Variants in PCDHA1 observed in about 807,000 individuals in gnomAD.
The protein encoded by PCDHA1 is protocadherin alpha-1.
PCDHA1 carries 42 observed loss-of-function variants against 61.3 expected under a neutral mutation model. That is an observed-to-expected ratio of 0.69 (90% CI 0.54 to 0.89). The LOEUF is 0.89. Ranked by LOEUF, PCDHA1 falls within the 40% of genes least tolerant of loss-of-function variation. The pLI is 0.00. For missense variants in PCDHA1, 1,256 were observed against 1,235.3 expected (o/e 1.02, Z -0.25); for synonymous variants, 610 against 553.8 (o/e 1.10, Z -1.43).
At chr5:140,867,198 C>A (rs1286853388) in intron 1 of PCDHA1, 1 of 152,110 alleles carries the variant, frequency 6.6e-6, no homozygotes, top group East Asian at 1.9e-4. Flanking sequence ...ACTCCACATT[C>A]CATGTAACAT....
Position 140,815,237 on chromosome 5 carries a change from T to C in PCDHA1, c.2394+26553T>C, listed in dbSNP as rs972816708. The stretch of plus-strand genomic sequence containing the variant: ...TTACTGTTGCCTCTTTGTTAATTGT[T>C]GTTTGCAGCTTGTAGACTTTTTGCT... On this transcript the variant is annotated intron_variant, in intron 1 of 3. Coordinates refer to ENST00000504120, the MANE Select transcript of PCDHA1 (RefSeq NM_018900.4). The C allele has an allele frequency of 2.0e-5, 3 of 152,152 alleles. 1 individual carries two copies. The highest frequency in any genetic ancestry group is 2.0e-4 in the Admixed American group (3 of 15,276). 9.4% of individuals were successfully genotyped at this position (152,152 alleles called of 1,614,324 possible).
At chr5:140,978,909 C>G (rs782321430) in intron 1 of PCDHA1, 40 bp from the exon 2 acceptor site, 2 of 1,613,660 alleles carry the variant, frequency 1.2e-6, no homozygotes, top group South Asian at 2.2e-5. Context: ...AGAACATTGT[C>G]TTGTCATTTT....
At chr5:140,911,818 A>T (rs1472874528) in intron 1 of PCDHA1, among the ~76,000 whole-genome samples, 2 of 152,210 alleles carry the variant, frequency 1.3e-5, no homozygotes, top group African/African-American at 2.4e-5. Flanking sequence ...CCTTCTCCAG[A>T]AACCCCAAAA....
chr5:140,829,869 A>T (rs2150176630), intron 1 of PCDHA1: 1 of 1,613,902 alleles, frequency 6.2e-7, no homozygotes, highest in South Asian at 1.1e-5. Flanking sequence ...GTGGTGGCGA[A>T]GGTGCGCGCA....
At position 140,892,846 on chromosome 5, in the gene PCDHA1, A is replaced by G. The variant is rs1301960107; in HGVS notation, c.2395-86103A>G. Among the ~76,000 whole-genome samples, 3 of 152,112 alleles carry G rather than the reference A, an allele frequency of 2.0e-5. No homozygotes were observed. In the East Asian group the frequency reaches 5.8e-4, roughly 29 times the overall value. On this transcript the variant is annotated intron_variant, in intron 1 of 3. Transcript: ENST00000504120. ...TGCTACAGTGCTGCAAAACACCACA[A>G]CCCATTCCTCCTGTGTAGCTATAAT...
chr5:140,812,551 G>A (rs1765132254), intron 1 of PCDHA1: 1 of 151,806 alleles, frequency 6.6e-6, no homozygotes, highest in Non-Finnish European at 1.5e-5. Context: ...AGTTCCTTGA[G>A]TTGTTAAGTT....
chr5:140,998,646 C>G (rs1413467899), intron 3 of PCDHA1, among the ~76,000 whole-genome samples: 1 of 151,870 alleles, frequency 6.6e-6, no homozygotes, highest in Non-Finnish European at 1.5e-5. Flanking sequence ...CTCACTGCAA[C>G]CTCTGCCTCC....
intron 1 of PCDHA1, chr5:140,927,577 A>T: frequency 6.2e-7 from 1 of 1,614,170 alleles, no homozygotes; most frequent in Non-Finnish European, 8.5e-7. Flanking sequence ...CACAAATGAC[A>T]ACGCGCCTGT....
At chr5:141,006,741 A>G (rs1275777013) in intron 3 of PCDHA1, among the ~76,000 whole-genome samples, 2 of 152,208 alleles carry the variant, frequency 1.3e-5, no homozygotes, top group Non-Finnish European at 2.9e-5. Flanking sequence ...TTGATGATGT[A>G]TTATAAATGG....
At chr5:140,866,412 A>C (rs1308561363) in intron 1 of PCDHA1, 1 of 152,116 alleles carries the variant, frequency 6.6e-6, no homozygotes, top group Non-Finnish European at 1.5e-5. Context: ...AAAATCTTCA[A>C]ATGTGTGTAG....
chr5:140,857,738 C>T, intron 1 of PCDHA1: 1 of 1,597,432 alleles, frequency 6.3e-7, no homozygotes, highest in Non-Finnish European at 8.6e-7. Flanking sequence ...CGCTCCCGCG[C>T]TGCTGGCGTC....
chr5:140,858,695 T>C (rs563307566), intron 1 of PCDHA1: 3 of 571,446 alleles, frequency 5.2e-6, no homozygotes, highest in Admixed American at 3.6e-5. Flanking sequence ...TATTTTCCAA[T>C]ACAAATATGT....
In PCDHA1 at chr5:140,978,956, A is replaced by G; in HGVS notation, c.2402A>G (p.Gln801Arg). 3 of 1,614,194 alleles carry G rather than the reference A, an allele frequency of 1.9e-6. No individual in the cohort carries two copies. The highest frequency in any genetic ancestry group is 2.5e-6 in the Non-Finnish European group (3 of 1,180,026). ...CTCTTTGTGATTTTGCAGCCACGAC[A>G]GCCCAACCCTGACTGGCGTTACTCT... ...ANLDLSGNPR[Q>R]PNPDWRYSAS... Residue 801 changes from glutamine (Q) to arginine (R), a missense_variant, in exon 2 of 4, where the codon CAG becomes CGG. Transcript: ENST00000504120.
intron 1 of PCDHA1, among the ~76,000 whole-genome samples, chr5:140,832,237 T>C (rs1554133481): frequency 4.6e-5 from 7 of 152,218 alleles, no homozygotes. Flanking sequence ...TTTGACTTTT[T>C]GTGTTGTCCA....
At chr5:140,822,661 T>G in intron 1 of PCDHA1, 1 of 1,609,178 alleles carries the variant, frequency 6.2e-7, no homozygotes. Flanking sequence ...TATAATTAAT[T>G]CTAATACTGG....
intron 1 of PCDHA1, among the ~76,000 whole-genome samples, chr5:140,950,428 T>G (rs408652): frequency 0.56 from 85,077 of 151,214 alleles, 24,477 homozygotes; most frequent in African/African-American, 0.69. Context: ...TTTCTTCCAC[T>G]TAAAAAAAAT....
intron 1 of PCDHA1, chr5:140,824,454 A>C (rs1268614425): frequency 3.2e-5 from 14 of 439,740 alleles, no homozygotes; most frequent in Non-Finnish European, 5.2e-5. Context: ...ACTACATGAA[A>C]ATTTATTTTA....
Position 140,850,049 on chromosome 5 carries a change from C to T in PCDHA1, c.2394+61365C>T, listed in dbSNP as rs1354549642. 22 of 1,596,350 alleles carry T rather than the reference C, an allele frequency of 1.4e-5. 2 individuals carry two copies. Among genetic ancestry groups the T allele is most frequent in the Non-Finnish European group, 1.9e-5 (22 of 1,167,808 alleles). Reference sequence around the variant, plus strand: ...TGCACGCGGAGAGCGGCAAGGTGTACGCGCTGCAGCCGTTGGACCACGAGG... The same window carrying T: ...TGCACGCGGAGAGCGGCAAGGTGTATGCGCTGCAGCCGTTGGACCACGAGG... On this transcript the variant is annotated intron_variant, in intron 1 of 3. Coordinates refer to ENST00000504120, the MANE Select transcript of PCDHA1 (RefSeq NM_018900.4).
chr5:140,829,749 T>A, intron 1 of PCDHA1: 1 of 1,613,676 alleles, frequency 6.2e-7, no homozygotes, highest in Non-Finnish European at 8.5e-7. Flanking sequence ...ACGCTGCAGG[T>A]GTTCGTGCTG....
Sources: gnomAD v4.1 joint callset for allele counts (sites outside exome capture counted in the v4.1 genomes callset) on GRCh38, gnomAD v4.1.1 for gene constraint, MANE v1.5 for transcripts, NCBI Gene and HGNC (gene_info 2026-07-23, HGNC 2026-07-21) for gene names.